MAPK8IP3: variants seen among roughly 807,000 people sequenced by gnomAD.
The protein encoded by MAPK8IP3 is C-Jun-amino-terminal kinase-interacting protein 3.
A neutral mutation model predicts 157.8 loss-of-function variants in MAPK8IP3; 49 were observed. That is an observed-to-expected ratio of 0.31 (90% CI 0.25 to 0.39). MAPK8IP3 has a LOEUF of 0.39. Among genes scored for constraint, MAPK8IP3 ranks in the 10% least tolerant of loss-of-function variants. The pLI, the probability that MAPK8IP3 is intolerant of heterozygous loss-of-function variation, is 1.00. For missense variants in MAPK8IP3, 1,478 were observed against 1,889.4 expected (o/e 0.78, Z 4.04); for synonymous variants, 897 against 777.7 (o/e 1.15, Z -2.55).
chr16:1,768,991 G>A lies in MAPK8IP3; in HGVS notation c.*167G>A, dbSNP rs551628172. The A allele has an allele frequency of 3.4e-5, 25 of 739,700 alleles. No individual in the cohort carries two copies. Among genetic ancestry groups the A allele is most frequent in the Admixed American group, 2.4e-4 (9 of 36,978 alleles). 45.8% of individuals were successfully genotyped at this position (739,700 alleles called of 1,614,324 possible). A position where few individuals can be genotyped will look rare whatever the true frequency, so the allele number is the denominator to read the frequency against. ...CAGCGGGCAGGGAGTGCGGGGATGC[G>A]GATCAGCTGGGAGGAGGAGGGGAGG... On this transcript the variant is annotated 3_prime_UTR_variant, in exon 32 of 32. Transcript: ENST00000610761.
chr16:1,736,133 T>C (rs1398177197), intron 4 of MAPK8IP3, among the ~76,000 whole-genome samples: 1 of 123,466 alleles, frequency 8.1e-6, no homozygotes, highest in African/African-American at 3.2e-5. Flanking sequence ...TGTGTGACCA[T>C]CCATGTGAGC....
chr16:1,730,477 C>A (rs535379937), intron 4 of MAPK8IP3, among the ~76,000 whole-genome samples: 1 of 151,916 alleles, frequency 6.6e-6, no homozygotes, highest in Non-Finnish European at 1.5e-5. Context: ...CAGTGGCTCA[C>A]GCCTGTCATT....
chr16:1,765,287 A>T, intron 20 of MAPK8IP3, 109 bp downstream of exon 20: 6 of 1,311,892 alleles, frequency 4.6e-6, no homozygotes, highest in Non-Finnish European at 6.2e-6. Context: ...TCCTGTGGAC[A>T]CGGGAATGTG....
At position 1,769,342 on chromosome 16, in the gene MAPK8IP3, G is replaced by T. The variant is rs2042475177; in HGVS notation, c.*518G>T. ...GAGGTGGGCCTCAGGCTGCCCAGGT[G>T]CCTGCACCCCAGCCGGCCTTCTCTG... is the stretch of plus-strand genomic sequence containing the variant. On this transcript the variant is annotated 3_prime_UTR_variant, in exon 32 of 32. Coordinates refer to ENST00000610761, the MANE Select transcript of MAPK8IP3 (RefSeq NM_001318852.2). The T allele has an allele frequency of 6.3e-6, 1 of 159,904 alleles. No individual in the cohort carries two copies. The highest frequency in any genetic ancestry group is 1.9e-4 in the East Asian group (1 of 5,292). 9.9% of individuals were successfully genotyped at this position (159,904 alleles called of 1,614,324 possible). A position where few individuals can be genotyped will look rare whatever the true frequency, so the allele number is the denominator to read the frequency against.
At chr16:1,723,696 T>TC (rs1420516198) in intron 1 of MAPK8IP3, among the ~76,000 whole-genome samples, 2 of 152,074 alleles carry the variant, frequency 1.3e-5, no homozygotes, top group Non-Finnish European at 2.9e-5. Flanking sequence ...TTGATAATAT[T>TC]CCCCAGTTTT....
intron 8 of MAPK8IP3, among the ~76,000 whole-genome samples, chr16:1,753,158 G>T (rs1377466518): frequency 6.6e-6 from 1 of 152,244 alleles, no homozygotes; most frequent in Non-Finnish European, 1.5e-5. Flanking sequence ...GGGCGGCCCT[G>T]CACCTCTCTC....
chr16:1,727,973 C>G (rs2039005260), intron 2 of MAPK8IP3, among the ~76,000 whole-genome samples: 1 of 152,230 alleles, frequency 6.6e-6, no homozygotes, highest in South Asian at 2.1e-4. Context: ...GCTGGTGGAG[C>G]ACCTTACCAG....
At chr16:1,733,159 G>C (rs925572185) in intron 4 of MAPK8IP3, among the ~76,000 whole-genome samples, 58 of 152,326 alleles carry the variant, frequency 3.8e-4, no homozygotes, top group African/African-American at 1.2e-3. Flanking sequence ...GGGAGCTGCA[G>C]CATTCCAGAA....
intron 8 of MAPK8IP3, among the ~76,000 whole-genome samples, chr16:1,749,906 C>G (rs924679335): frequency 2.0e-5 from 3 of 152,062 alleles, no homozygotes; most frequent in Non-Finnish European, 4.4e-5. Flanking sequence ...AGAAAGTGCC[C>G]CAGTAGAGGC....
intron 11 of MAPK8IP3, 34 bp from the exon 12 acceptor site, chr16:1,760,346 C>A: frequency 6.3e-7 from 1 of 1,594,960 alleles, no homozygotes; most frequent in East Asian, 2.2e-5. Context: ...GTATGCCGCG[C>A]CCGTGGCACT....
chr16:1,725,617 A>G (rs1464928346), intron 2 of MAPK8IP3, among the ~76,000 whole-genome samples: 2 of 151,196 alleles, frequency 1.3e-5, no homozygotes, highest in African/African-American at 4.9e-5. Flanking sequence ...ACAGAGTGAG[A>G]CTCCATCTCA....
chr16:1,721,604 C>T (rs2038527019), intron 1 of MAPK8IP3, among the ~76,000 whole-genome samples: 1 of 152,214 alleles, frequency 6.6e-6, no homozygotes, highest in South Asian at 2.1e-4. Context: ...ACTACAGGCA[C>T]ATGCCATCGT....
intron 4 of MAPK8IP3, among the ~76,000 whole-genome samples, chr16:1,737,013 T>A (rs2039974652): frequency 2.8e-5 from 2 of 70,642 alleles, no homozygotes; most frequent in African/African-American, 5.6e-5. Flanking sequence ...ACCGTCCGTG[T>A]GAGAGTGTGA....
chr16:1,723,439 T>G (rs1034146495), intron 1 of MAPK8IP3, among the ~76,000 whole-genome samples: 2 of 152,024 alleles, frequency 1.3e-5, no homozygotes, highest in Non-Finnish European at 2.9e-5. Context: ...CGTGAGCCAC[T>G]GTGCCCGGCC....
rs1232704288 is a variant in MAPK8IP3 at position 1,729,541 on chromosome 16, G to A, written c.565G>A (p.Gly189Arg). The change falls in exon 4 of 32, where the codon GGA becomes AGA. Residue 189 changes from glycine to arginine, a missense_variant. Gly to Arg is a moderately radical substitution (Grantham distance 125). This residue lies in a region of MAPK8IP3 where 315 missense variants were observed against 394.4 expected (regional missense o/e 0.80). Coordinates refer to ENST00000610761, the MANE Select transcript of MAPK8IP3 (RefSeq NM_001318852.2). ...GAGGTCCAAGATGCAGCAGGTCGGA[G>A]GAAACAGCCAGACCGAGAGCAGCCT... is the stretch of plus-strand genomic sequence containing the variant. ...IERSKMQQVG[G>R]NSQTESSLPG... The A allele has an allele frequency of 3.1e-6, 5 of 1,611,528 alleles. No individual in the cohort carries two copies. Among genetic ancestry groups the A allele is most frequent in the Non-Finnish European group, 4.2e-6 (5 of 1,179,122 alleles).
intron 19 of MAPK8IP3, 120 bp from the exon 20 acceptor site, chr16:1,764,893 T>C: frequency 2.1e-6 from 2 of 954,490 alleles, no homozygotes; most frequent in South Asian, 3.3e-5. Context: ...AGGACAGCCA[T>C]GTCCCCTCAA....
intron 8 of MAPK8IP3, among the ~76,000 whole-genome samples, chr16:1,753,464 G>A (rs1026106723): frequency 1.3e-5 from 2 of 150,376 alleles, no homozygotes; most frequent in African/African-American, 2.4e-5. Context: ...TTTTTGAGAC[G>A]GAGTCTTGCT....
intron 4 of MAPK8IP3, among the ~76,000 whole-genome samples, chr16:1,736,581 AGCGT>A (rs2039868044): frequency 3.4e-5 from 2 of 59,350 alleles, no homozygotes; most frequent in Admixed American, 3.0e-4. Flanking sequence ...CGTCCGTGTG[AGCGT>A]GTGACCATCC....
At chr16:1,709,393 G>T (rs937817703) in intron 1 of MAPK8IP3, among the ~76,000 whole-genome samples, 1 of 152,248 alleles carries the variant, frequency 6.6e-6, no homozygotes, top group Non-Finnish European at 1.5e-5. Flanking sequence ...CTGGGCTGCA[G>T]TGGCCGCGGA....
Sources: gnomAD v4.1 joint callset for allele counts (sites outside exome capture counted in the v4.1 genomes callset) on GRCh38, gnomAD v4.1.1 for gene constraint, gnomAD v4.1.1 regional missense constraint, MANE v1.5 for transcripts, NCBI Gene and HGNC (gene_info 2026-07-23, HGNC 2026-07-21) for gene names.